The following CASP10 variants were observed in gnomAD, a reference collection of about 807,000 sequenced individuals.
CASP10 encodes caspase-10.
A neutral mutation model predicts 48.5 loss-of-function variants in CASP10; 41 were observed. The ratio of observed to expected loss-of-function variants is 0.85; its 90% CI spans 0.66 to 1.10. The LOEUF is 1.10. Among genes scored for constraint, CASP10 ranks in the 50% least tolerant of loss-of-function variants. The pLI is 0.00. For synonymous variants in CASP10, 232 were observed against 238.4 expected (o/e 0.97, Z 0.25); for missense variants, 614 against 614.5 (o/e 1.00, Z 0.01).
rs1167635538 is a variant in CASP10 at position 201,195,846 on chromosome 2, C to G, written c.582C>G (p.Ile194Met). The G allele has an allele frequency of 3.7e-6, 6 of 1,608,784 alleles. No individual in the cohort carries two copies. The highest frequency in any genetic ancestry group is 5.1e-6 in the Non-Finnish European group (6 of 1,175,368). The change falls in exon 5 of 10, where the codon ATC becomes ATG. Residue 194 changes from isoleucine (I) to methionine (M), a missense_variant. Ile to Met is a conservative substitution (Grantham distance 10). Coordinates refer to ENST00000286186, the MANE Select transcript of CASP10 (RefSeq NM_032977.4). ...TGTCTGTGATTTTATTTTCAGCTAT[C>G]CAGATAGTGACACCTCCTGTAGACA... ...NIEKYKREKAIQIVTPPVDKE... is the reference protein window; with the variant it reads ...NIEKYKREKAMQIVTPPVDKE...
intron 9 of CASP10, among the ~76,000 whole-genome samples, chr2:201,210,126 G>A (rs186445894): frequency 1.6e-3 from 249 of 152,294 alleles, no homozygotes; most frequent in African/African-American, 5.8e-3. Flanking sequence ...TTATTTGTTC[G>A]TTTATTTATC....
chr2:201,224,314 C>T (rs757642520), downstream of CASP10, among the ~76,000 whole-genome samples: 26 of 151,970 alleles, frequency 1.7e-4, no homozygotes, highest in Non-Finnish European at 2.9e-4. Context: ...AAAATGAAAT[C>T]CCTTTTAAAA....
At chr2:201,201,625 A>T (rs1945023014) in intron 5 of CASP10, among the ~76,000 whole-genome samples, 2 of 152,096 alleles carry the variant, frequency 1.3e-5, no homozygotes, top group Admixed American at 1.3e-4. Context: ...GTAGGGGGAT[A>T]GTCGTGGCAG....
At position 201,209,325 on chromosome 2, in the gene CASP10, C is replaced by G. The variant is rs1260617849; in HGVS notation, c.1178C>G (p.Pro393Arg). 1.2e-6 allele frequency: 2 copies of G among 1,614,138 alleles called. No individual in the cohort carries two copies. The highest frequency in any genetic ancestry group is 1.7e-6 in the Non-Finnish European group (2 of 1,180,024). The change falls in exon 9 of 10, where the codon CCT becomes CGT. Residue 393 changes from proline to arginine, a missense_variant. By Grantham distance (103) the Pro-to-Arg change is moderately radical. Transcript: ENST00000286186. The stretch of plus-strand genomic sequence containing the variant: ...CAGTGCCCTAGACTGGCTGAAAAAC[C>G]TAAACTCTTTTTCATCCAGGCCTGC... ...ALQCPRLAEK[P>R]KLFFIQACQG... is the part of the protein sequence containing the mutation.
At chr2:201,190,292 A>G (rs1944562266) in intron 3 of CASP10, among the ~76,000 whole-genome samples, 1 of 150,192 alleles carries the variant, frequency 6.7e-6, no homozygotes, top group South Asian at 2.1e-4. Flanking sequence ...ACATATGTAT[A>G]CACACACACA....
chr2:201,187,854 G>T (rs2126008706), intron 3 of CASP10, 55 bp downstream of exon 3: 1 of 1,279,044 alleles, frequency 7.8e-7, no homozygotes, highest in East Asian at 2.3e-5. Context: ...TCAATGATTA[G>T]AAAGATGCTG....
rs41349144 is a variant in CASP10 at position 201,208,846 on chromosome 2, T to G, written c.923-224T>G. Among the ~76,000 whole-genome samples, 787 of 152,114 alleles carry G rather than the reference T, an allele frequency of 5.2e-3. 9 individuals are homozygous for G. The highest frequency in any genetic ancestry group is 0.018 in the African/African-American group (732 of 41,494). ...GGCGTGAGCCACCACACCTGGCTAT[T>G]TTTTGTATTTTCAGTAGAGATGGGG... On this transcript the variant is annotated intron_variant, in intron 8 of 9. Transcript: ENST00000286186.
At position 201,218,974 on chromosome 2, in the gene CASP10, C is replaced by T; in HGVS notation, c.*1233C>T. The T allele has an allele frequency of 1.0e-6, 1 of 985,442 alleles. No individual in the cohort carries two copies. The highest frequency in any genetic ancestry group is 1.2e-6 in the Non-Finnish European group (1 of 829,948). 61.0% of individuals were successfully genotyped at this position (985,442 alleles called of 1,614,324 possible). On this transcript the variant is annotated 3_prime_UTR_variant, in exon 10 of 10. Coordinates refer to ENST00000286186, the MANE Select transcript of CASP10 (RefSeq NM_032977.4). Reference sequence around the variant, plus strand: ...AAGCAGAAACTTTACAACCTGATGTCATATTCCATTTTGGACTGGGTGCGG... The same window carrying T: ...AAGCAGAAACTTTACAACCTGATGTTATATTCCATTTTGGACTGGGTGCGG...
intron 9 of CASP10, chr2:201,214,447 G>C (rs1230568582): frequency 6.6e-6 from 1 of 152,116 alleles, no homozygotes; most frequent in Non-Finnish European, 1.5e-5. Context: ...AGAGGTAGTA[G>C]TCAGGCTGTT....
At chr2:201,186,968 G>T (rs1390574523) in intron 2 of CASP10, among the ~76,000 whole-genome samples, 1 of 152,326 alleles carries the variant, frequency 6.6e-6, no homozygotes, top group East Asian at 1.9e-4. Flanking sequence ...GATTATAGGT[G>T]TGAGCCACTG....
At chr2:201,183,699 C>G (rs1238576150) in intron 1 of CASP10, among the ~76,000 whole-genome samples, 1 of 152,000 alleles carries the variant, frequency 6.6e-6, no homozygotes, top group Non-Finnish European at 1.5e-5. Flanking sequence ...TTTTTTGTTT[C>G]TTTTAACACC....
At chr2:201,200,593 T>C in intron 5 of CASP10, 1 of 1,556,562 alleles carries the variant, frequency 6.4e-7, no homozygotes, top group Non-Finnish European at 8.6e-7. Context: ...AGGCCTGCTC[T>C]TCGGCTCTGC....
At chr2:201,211,991 C>A (rs1310212221) in intron 9 of CASP10, among the ~76,000 whole-genome samples, 8 of 151,992 alleles carry the variant, frequency 5.3e-5, no homozygotes, top group South Asian at 2.1e-4. Context: ...CTTGCTCTGT[C>A]AGGCTGGAGT....
At chr2:201,216,123 T>G (rs990813078) in intron 9 of CASP10, among the ~76,000 whole-genome samples, 1 of 151,110 alleles carries the variant, frequency 6.6e-6, no homozygotes, top group Non-Finnish European at 1.5e-5. Flanking sequence ...ATATTTAAGT[T>G]AATGATATTT....
intron 9 of CASP10, among the ~76,000 whole-genome samples, chr2:201,211,447 C>A (rs772248678): frequency 7.2e-5 from 11 of 152,162 alleles, no homozygotes; most frequent in Non-Finnish European, 1.6e-4. Flanking sequence ...TCTATGACAT[C>A]AACTTTTTAA....
intron 9 of CASP10, among the ~76,000 whole-genome samples, chr2:201,227,003 A>G (rs1220103286): frequency 6.6e-6 from 1 of 152,178 alleles, no homozygotes; most frequent in African/African-American, 2.4e-5. Context: ...ATTAATATGT[A>G]TATTGTACAA....
Position 201,210,105 on chromosome 2 carries a change from A to T in CASP10, c.1415+543A>T, listed in dbSNP as rs372960229. On this transcript the variant is annotated intron_variant, in intron 9 of 9. Transcript: ENST00000286186. ...CAGAGGGAATAGCATGAACAAAAGC[A>T]TGGGGGCCTTTTATTTGTTCGTTTA... Among the ~76,000 whole-genome samples, 6 of 152,232 alleles carry T rather than the reference A, an allele frequency of 3.9e-5. No individual in the cohort carries two copies. The East Asian group carries it at 1.2e-3, about 29-fold the overall frequency.
chr2:201,186,476 T>G, intron 2 of CASP10: 1 of 311,050 alleles, frequency 3.2e-6, no homozygotes, highest in Non-Finnish European at 6.2e-6. Flanking sequence ...GTCTACCTGT[T>G]TCCCGGGGTC....
At chr2:201,189,274 T>A (rs567584253) in intron 3 of CASP10, among the ~76,000 whole-genome samples, 120 of 150,922 alleles carry the variant, frequency 8.0e-4, no homozygotes, top group Middle Eastern at 3.4e-3. Flanking sequence ...TCAGTTATTT[T>A]TTTTTTTTTT....
Sources: gnomAD v4.1 joint callset for allele counts (sites outside exome capture counted in the v4.1 genomes callset) on GRCh38, gnomAD v4.1.1 for gene constraint, MANE v1.5 for transcripts, NCBI Gene and HGNC (gene_info 2026-07-23, HGNC 2026-07-21) for gene names.